The following METTL2A variants were observed in gnomAD, a reference collection of about 807,000 sequenced individuals.
METTL2A encodes the protein tRNA N(3)-cytidine methyltransferase METTL2A.
Under a neutral mutation model 49.4 loss-of-function variants are expected in METTL2A, and 45 were observed. The ratio of observed to expected loss-of-function variants is 0.91; its 90% CI spans 0.72 to 1.17. The LOEUF (loss-of-function observed/expected upper bound fraction) is 1.17. METTL2A is among the 50% of genes most tolerant of loss of function. The pLI is 0.00. For missense variants in METTL2A, 361 were observed against 462.2 expected (o/e 0.78, Z 2.01); for synonymous variants, 118 against 167.5 (o/e 0.70, Z 2.28).
rs576761414 is a variant in METTL2A, at chr17:62,447,311, T to C, written c.917-390T>C. Among the ~76,000 whole-genome samples, 7 of 152,116 alleles carry C rather than the reference T, an allele frequency of 4.6e-5. No individual in the cohort carries two copies. The East Asian group carries it at 1.4e-3, about 29-fold the overall frequency. On this transcript the variant is annotated intron_variant, in intron 7 of 8. Transcript: ENST00000311506. ...GGTGGGAACCTGTAATCCCAGCTAC[T>C]TGGGAGGCTGAGGCAGGAGAATCAC...
Position 62,440,711 on chromosome 17 carries a change from A to G in METTL2A, c.764A>G (p.Asp255Gly), listed in dbSNP as rs1326962768. ...KSYPVPKGSL[D>G]IIILIFVLSA... ...TACCCAGTGCCCAAGGGCAGTCTTG[A>G]TATTATCATTCTCATATTTGTTCTT... The change falls in exon 6 of 9, where the codon GAT becomes GGT. Residue 255 changes from aspartate (D) to glycine (G), a missense_variant. Asp to Gly is a moderately conservative substitution (Grantham distance 94). Around this residue, in one of 3 missense-constraint regions of METTL2A, gnomAD observed 183 missense variants for 216.5 expected, o/e 0.85. Transcript: ENST00000311506. The G allele has an allele frequency of 2.5e-6, 4 of 1,614,032 alleles. No individual in the cohort carries two copies. The Admixed American group carries it at 6.7e-5, about 27-fold the overall frequency.
At chr17:62,441,050 C>T (rs2070735985) in intron 6 of METTL2A, among the ~76,000 whole-genome samples, 1 of 152,190 alleles carries the variant, frequency 6.6e-6, no homozygotes, top group Non-Finnish European at 1.5e-5. Flanking sequence ...AAGCGATCCT[C>T]CCACCTTGGC....
Position 62,444,957 on chromosome 17 carries a change from G to A in METTL2A, c.916+14G>A, listed in dbSNP as rs1258550570. 2.5e-6 allele frequency: 4 copies of A among 1,612,286 alleles called. No homozygotes were observed. Among genetic ancestry groups the A allele is most frequent in the Non-Finnish European group, 3.4e-6 (4 of 1,179,022 alleles). On this transcript the variant is annotated intron_variant, in intron 7 of 8. Coordinates refer to ENST00000311506, the MANE Select transcript of METTL2A (RefSeq NM_181725.4). ...GGTTTAAAAAAGGTATTTTGAAAGT[G>A]CTGAATCCTAACCACTAGAGATCAT... is the stretch of plus-strand genomic sequence containing the variant.
chr17:62,429,960 G>T (rs1052213220), intron 4 of METTL2A, among the ~76,000 whole-genome samples: 3 of 152,288 alleles, frequency 2.0e-5, no homozygotes, highest in Non-Finnish European at 4.4e-5. Flanking sequence ...CGTGAGCCAT[G>T]GCTCCCGGCC....
In METTL2A at chr17:62,434,912, A is replaced by G. The variant is rs571846924; in HGVS notation, c.609-320A>G. ...TGCCAGGGTGGCTCAGCGAAGAAAA[A>G]AGAATTCTTGTGGTGCTATCAAGCA... On this transcript the variant is annotated intron_variant, in intron 4 of 8. Coordinates refer to ENST00000311506, the MANE Select transcript of METTL2A (RefSeq NM_181725.4). 331 of 336,584 alleles carry G rather than the reference A, an allele frequency of 9.8e-4. 2 individuals are homozygous for G. Among genetic ancestry groups the G allele is most frequent in the Non-Finnish European group, 1.6e-3 (291 of 178,108 alleles). 20.8% of individuals were successfully genotyped at this position (336,584 alleles called of 1,614,324 possible).
Position 62,449,275 on chromosome 17 carries a change from G to A in METTL2A, c.*546G>A. The A allele has an allele frequency of 2.7e-6, 1 of 364,256 alleles. No individual in the cohort carries two copies. Among genetic ancestry groups the A allele is most frequent in the Non-Finnish European group, 5.3e-6 (1 of 190,164 alleles). 22.6% of individuals were successfully genotyped at this position (364,256 alleles called of 1,614,324 possible). On this transcript the variant is annotated 3_prime_UTR_variant, in exon 9 of 9. Transcript: ENST00000311506. ...GGCAATTGCAGTTAATACATACAGA[G>A]GTTAGTGAAGGGCTTATTAAGTTGT... is the stretch of plus-strand genomic sequence containing the variant.
intron 7 of METTL2A, among the ~76,000 whole-genome samples, 159 bp from the exon 8 acceptor site, chr17:62,447,542 C>G (rs888996971): frequency 6.6e-6 from 1 of 152,164 alleles, no homozygotes; most frequent in African/African-American, 2.4e-5. Flanking sequence ...GTCATGTTTT[C>G]TGACATTGTG....
chr17:62,443,353 G>A (rs1275223212), intron 6 of METTL2A, among the ~76,000 whole-genome samples: 2 of 152,158 alleles, frequency 1.3e-5, no homozygotes, highest in African/African-American at 2.4e-5. Flanking sequence ...ACTGCAGCCT[G>A]GGTGACAGAG....
At position 62,435,287 on chromosome 17, in the gene METTL2A, G is replaced by A. The variant is rs944251734; in HGVS notation, c.664G>A (p.Val222Ile). The change falls in exon 5 of 9, where the codon GTC becomes ATC. Residue 222 changes from valine to isoleucine, a missense_variant. By Grantham distance (29) the Val-to-Ile change is conservative. Transcript: ENST00000311506. The part of the protein sequence containing the change: ...CDFSSTAIEL[V>I]QTNSEYDPSR... Reference sequence around the variant, plus strand: ...TTTTTCTTCCACAGCTATAGAACTGGTCCAGGTGAGTACAATGGGAAATTA... The same window carrying A: ...TTTTTCTTCCACAGCTATAGAACTGATCCAGGTGAGTACAATGGGAAATTA... 11 of 1,613,796 alleles carry A rather than the reference G, an allele frequency of 6.8e-6. No individual in the cohort carries two copies. Among genetic ancestry groups the A allele is most frequent in the Non-Finnish European group, 8.5e-6 (10 of 1,179,870 alleles).
At position 62,426,468 on chromosome 17, in the gene METTL2A, T is replaced by C. The variant is rs2070627553; in HGVS notation, c.372T>C (p.Pro124=). Residue 124 remains proline, a synonymous_variant, in exon 3 of 9, where the codon CCT becomes CCC. Transcript: ENST00000311506. The stretch of plus-strand genomic sequence containing the variant: ...TCTTGGAGAACAAGAGTGAAGTACC[T>C]GAATGTAGAAACAATGAGGATGGAC... ...DWFLENKSEV[P]ECRNNEDGPG... The C allele has an allele frequency of 6.8e-6, 11 of 1,613,954 alleles. No individual in the cohort carries two copies. The highest frequency in any genetic ancestry group is 9.3e-6 in the Non-Finnish European group (11 of 1,180,014).
chr17:62,440,847 C>G, intron 6 of METTL2A, 91 bp downstream of exon 6: 1 of 1,510,426 alleles, frequency 6.6e-7, no homozygotes, highest in Non-Finnish European at 8.9e-7. Context: ...CTCTGTCAGC[C>G]CAGGCTGGAG....
At chr17:62,430,772 A>T (rs1006370307) in intron 4 of METTL2A, among the ~76,000 whole-genome samples, 7 of 151,832 alleles carry the variant, frequency 4.6e-5, no homozygotes, top group African/African-American at 1.7e-4. Flanking sequence ...TCCGCCTCCC[A>T]GGTTCAAGCA....
chr17:62,435,798 A>G (rs536327981), intron 5 of METTL2A, among the ~76,000 whole-genome samples: 3 of 152,252 alleles, frequency 2.0e-5, no homozygotes, highest in Admixed American at 6.6e-5. Context: ...CAATATTGCA[A>G]TTAGGCCACT....
intron 6 of METTL2A, among the ~76,000 whole-genome samples, chr17:62,442,805 T>C (rs1345083638): frequency 6.6e-6 from 1 of 152,136 alleles, no homozygotes; most frequent in Middle Eastern, 3.2e-3. Context: ...ATTAAGTAAG[T>C]TAGTGTTAAA....
rs2070813560 is a variant in METTL2A, at chr17:62,453,004, A to G, written c.*4275A>G. ...ACTTAAAACTGGAAAAAACTGAATC[A>G]CTGGGATGGTATTTCATTTATCTTT... On this transcript the variant is annotated 3_prime_UTR_variant, in exon 9 of 9. Transcript: ENST00000311506. Among the ~76,000 whole-genome samples, 1 of 152,206 alleles carries G rather than the reference A, an allele frequency of 6.6e-6. No individual in the cohort carries two copies. Among genetic ancestry groups the G allele is most frequent in the Non-Finnish European group, 1.5e-5 (1 of 68,042 alleles).
intron 4 of METTL2A, among the ~76,000 whole-genome samples, chr17:62,430,450 G>A (rs111652940): frequency 0.02 from 3,002 of 152,244 alleles, 120 homozygotes; most frequent in African/African-American, 0.068. Flanking sequence ...TCTACTGCCT[G>A]TGAATCAGGT....
intron 4 of METTL2A, among the ~76,000 whole-genome samples, chr17:62,428,168 G>A (rs2070641045): frequency 6.6e-6 from 1 of 152,084 alleles, no homozygotes; most frequent in Non-Finnish European, 1.5e-5. Flanking sequence ...TTAACATTTA[G>A]CGCCTTCTTC....
intron 8 of METTL2A, 116 bp downstream of exon 8, chr17:62,447,882 C>G (rs1189762197): frequency 1.5e-5 from 24 of 1,551,258 alleles, no homozygotes; most frequent in Non-Finnish European, 2.0e-5. Flanking sequence ...CAGGCTGTTT[C>G]CTGCGGTTCC....
intron 4 of METTL2A, among the ~76,000 whole-genome samples, chr17:62,429,438 A>C (rs1439848545): frequency 6.6e-6 from 1 of 151,758 alleles, no homozygotes; most frequent in Non-Finnish European, 1.5e-5. Context: ...TTAAGGGTGC[A>C]TGCCACCACA....
Sources: gnomAD v4.1 joint callset for allele counts (sites outside exome capture counted in the v4.1 genomes callset) on GRCh38, gnomAD v4.1.1 for gene constraint, gnomAD v4.1.1 regional missense constraint, MANE v1.5 for transcripts, NCBI Gene and HGNC (gene_info 2026-07-23, HGNC 2026-07-21) for gene names.